Variants in GRM1 observed in about 807,000 individuals in gnomAD.
GRM1 encodes the protein metabotropic glutamate receptor 1.
Under a neutral mutation model 90.9 loss-of-function variants are expected in GRM1, and 33 were observed. The ratio of observed to expected loss-of-function variants is 0.36; its 90% confidence interval spans 0.28 to 0.49. GRM1 has a LOEUF of 0.49. Ranked by LOEUF, GRM1 falls within the 20% of genes least tolerant of loss-of-function variation. The pLI is 0.99. For synonymous variants in GRM1, 700 were observed against 613.2 expected, an observed-to-expected ratio of 1.14 and a Z score of -2.09; for missense variants, 1,190 against 1,534.3, an observed-to-expected ratio of 0.78 and a Z score of 3.75.
At chr6:146,055,192 A>G (rs1328202672) in intron 1 of GRM1, among the ~76,000 whole-genome samples, 1 of 152,106 alleles carries the variant, frequency 6.6e-6, no homozygotes, top group African/African-American at 2.4e-5. Flanking sequence ...ATTATGCCAT[A>G]CTTTTTGGGA....
At chr6:146,294,889 TCTTTTA>T (rs1394914367) in intron 2 of GRM1, among the ~76,000 whole-genome samples, 1 of 152,226 alleles carries the variant, frequency 6.6e-6, no homozygotes, top group Non-Finnish European at 1.5e-5. Flanking sequence ...TCTCCTACTA[TCTTTTA>T]CTTTTAATTA....
At chr6:146,381,695 G>T (rs1326635745) in intron 5 of GRM1, among the ~76,000 whole-genome samples, 1 of 152,108 alleles carries the variant, frequency 6.6e-6, no homozygotes, top group Non-Finnish European at 1.5e-5. Flanking sequence ...CCACCTAGGG[G>T]CCAGAAACAG....
intron 1 of GRM1, among the ~76,000 whole-genome samples, chr6:146,140,138 T>TTTCTTTCCTTCC (rs1415545136): frequency 7.8e-6 from 1 of 128,270 alleles, no homozygotes; most frequent in Admixed American, 8.6e-5. Context: ...TCTTTCTTTC[T>TTTCTTTCCTTCC]TTCCTTCCTT....
intron 2 of GRM1, among the ~76,000 whole-genome samples, chr6:146,195,909 G>A (rs1167805313): frequency 1.3e-5 from 2 of 152,294 alleles, no homozygotes; most frequent in Non-Finnish European, 2.9e-5. Flanking sequence ...AGATTCAACA[G>A]CAGGAGGTAC....
intron 2 of GRM1, among the ~76,000 whole-genome samples, chr6:146,177,297 C>G (rs1778371769): frequency 6.6e-6 from 1 of 151,980 alleles, no homozygotes; most frequent in East Asian, 1.9e-4. Flanking sequence ...TCACAGCAGG[C>G]TAGAATAGAA....
At chr6:146,181,250 CA>C (rs1023322491) in intron 2 of GRM1, among the ~76,000 whole-genome samples, 9 of 145,844 alleles carry the variant, frequency 6.2e-5, no homozygotes, top group Non-Finnish European at 1.2e-4. Context: ...AAAAAAAAAA[CA>C]AAAAAAACCA....
chr6:146,371,121 G>A (rs1414202931), intron 5 of GRM1, among the ~76,000 whole-genome samples: 1 of 151,916 alleles, frequency 6.6e-6, no homozygotes, highest in Non-Finnish European at 1.5e-5. Flanking sequence ...AACTGTGCTA[G>A]CACTGTGAAT....
intron 4 of GRM1, among the ~76,000 whole-genome samples, chr6:146,355,425 TAATGTGCTCTG>T (rs2115048905): frequency 6.6e-6 from 1 of 152,322 alleles, no homozygotes; most frequent in South Asian, 2.1e-4. Context: ...AAGAGATGAA[TAATGTGCTCTG>T]GGTGTACCAT....
chr6:146,353,038 G>A (rs976484053), intron 4 of GRM1, among the ~76,000 whole-genome samples: 1 of 152,118 alleles, frequency 6.6e-6, no homozygotes, highest in African/African-American at 2.4e-5. Flanking sequence ...CTTTCTTTTT[G>A]GGATTGAGCC....
At chr6:146,393,911 G>T (rs186322385) in intron 6 of GRM1, among the ~76,000 whole-genome samples, 23 of 152,098 alleles carry the variant, frequency 1.5e-4, no homozygotes, top group African/African-American at 5.3e-4. Flanking sequence ...CTGGTACCAA[G>T]CAGATATATA....
intron 3 of GRM1, among the ~76,000 whole-genome samples, chr6:146,309,644 A>G (rs1179816881): frequency 6.6e-6 from 1 of 152,130 alleles, no homozygotes; most frequent in Non-Finnish European, 1.5e-5. Context: ...TTAAAATACT[A>G]TAACTACTGG....
At position 146,032,387 on chromosome 6, in the gene GRM1, G is replaced by A. The variant is rs114109939; in HGVS notation, c.700+2170G>A. ...GAATTAGTTACTTCTCTTATTAAACGTAACATCTGTAAAAACTAAATTGCA... is the reference window on the plus strand; with the variant it reads ...GAATTAGTTACTTCTCTTATTAAACATAACATCTGTAAAAACTAAATTGCA... On this transcript the variant is annotated intron_variant, in intron 1 of 7. Coordinates refer to ENST00000282753, the MANE Select transcript of GRM1 (RefSeq NM_001278064.2). Among the ~76,000 whole-genome samples the A allele has an allele frequency of 4.7e-3, 722 of 152,140 alleles. 7 individuals are homozygous for A. The highest frequency in any genetic ancestry group is 0.016 in the African/African-American group (671 of 41,500).
In GRM1 at chr6:146,433,998, C is replaced by G; in HGVS notation, c.2787C>G (p.Val929=). The change falls in exon 8 of 8, where the codon GTC becomes GTG. Residue 929 remains valine, a synonymous_variant. Transcript: ENST00000282753. The part of the protein sequence containing the change: ...TNETACNQTA[V]IKPLTKSYQG... ...AGACGGCCTGCAACCAAACAGCCGT[C>G]ATCAAGCCCCTCACTAAAAGTTACC... The G allele has an allele frequency of 1.2e-6, 2 of 1,614,154 alleles. No homozygotes were observed. The highest frequency in any genetic ancestry group is 1.7e-6 in the Non-Finnish European group (2 of 1,180,006).
In GRM1 at chr6:146,060,865, C is replaced by T. The variant is rs545917336; in HGVS notation, c.700+30648C>T. On this transcript the variant is annotated intron_variant, in intron 1 of 7. Transcript: ENST00000282753. ...TGTCTAAACTAATTTACATTCCCAGCAGTAGTGTATAAGTGCTCCCTTTTC... is the reference window on the plus strand; with the variant it reads ...TGTCTAAACTAATTTACATTCCCAGTAGTAGTGTATAAGTGCTCCCTTTTC... 2.3e-4 allele frequency among the ~76,000 whole-genome samples: 35 copies of T among 152,272 alleles called. 1 individual carries two copies. In the South Asian group the frequency reaches 7.0e-3, roughly 31 times the overall value.
intron 2 of GRM1, among the ~76,000 whole-genome samples, chr6:146,242,821 A>C (rs949836567): frequency 1.3e-5 from 2 of 152,132 alleles, no homozygotes; most frequent in African/African-American, 2.4e-5. Flanking sequence ...AGAATTTTAC[A>C]GCACACCAGA....
chr6:146,132,834 C>T, intron 1 of GRM1, among the ~76,000 whole-genome samples: 1 of 152,198 alleles, frequency 6.6e-6, no homozygotes, highest in East Asian at 1.9e-4. Context: ...GCAGGTCTCA[C>T]TCTTCCAGAA....
At chr6:146,221,007 G>A (rs891833291) in intron 2 of GRM1, among the ~76,000 whole-genome samples, 2 of 151,894 alleles carry the variant, frequency 1.3e-5, no homozygotes, top group African/African-American at 2.4e-5. Flanking sequence ...GCTACATCTC[G>A]CTATGAAATC....
chr6:146,417,484 T>C (rs1777830901), intron 7 of GRM1, among the ~76,000 whole-genome samples: 1 of 152,210 alleles, frequency 6.6e-6, no homozygotes, highest in Non-Finnish European at 1.5e-5. Flanking sequence ...TGATGTTCTT[T>C]AGGACTATGG....
rs556345376 is a variant in GRM1, at chr6:146,354,718, A to T, written c.1433+2222A>T. On this transcript the variant is annotated intron_variant, in intron 4 of 7. Transcript: ENST00000282753. ...TAATTATTTCAGTTAATCATCACACAATGTAAACTGAATGCATTGAGAGGA... is the reference window on the plus strand; with the variant it reads ...TAATTATTTCAGTTAATCATCACACTATGTAAACTGAATGCATTGAGAGGA... 3.9e-5 allele frequency among the ~76,000 whole-genome samples: 6 copies of T among 152,300 alleles called. No individual in the cohort carries two copies. The East Asian group carries it at 7.7e-4, about 20-fold the overall frequency.
Sources: allele counts gnomAD v4.1 joint callset (sites outside exome capture counted in the v4.1 genomes callset), GRCh38; gene constraint gnomAD v4.1.1; transcripts MANE v1.5; gene names NCBI Gene and HGNC (gene_info 2026-07-23, HGNC 2026-07-21).